Variants in SLC2A9 observed in about 807,000 individuals in gnomAD.
SLC2A9 encodes solute carrier family 2, facilitated glucose transporter member 9.
In SLC2A9, 39 loss-of-function variants were observed where a neutral mutation model predicts 50.6. The observed-to-expected ratio is 0.77, with a 90% confidence interval of 0.60 to 1.01. The LOEUF is 1.01. Among genes scored for constraint, SLC2A9 ranks in the 50% least tolerant of loss-of-function variants. The pLI, the probability that SLC2A9 is intolerant of heterozygous loss-of-function variation, is 0.00. For missense variants in SLC2A9, 686 were observed against 677.6 expected (o/e 1.01, Z -0.14); for synonymous variants, 324 against 276.9 (o/e 1.17, Z -1.69).
At chr4:10,027,349 T>C (rs1317857709) in intron 1 of SLC2A9, among the ~76,000 whole-genome samples, 1 of 152,196 alleles carries the variant, frequency 6.6e-6, no homozygotes, top group African/African-American at 2.4e-5. Flanking sequence ...TACCTCATTT[T>C]AGAAAAAAAC....
chr4:9,859,270 A>T (rs1731231616), intron 10 of SLC2A9, among the ~76,000 whole-genome samples: 1 of 152,040 alleles, frequency 6.6e-6, no homozygotes, highest in Non-Finnish European at 1.5e-5. Flanking sequence ...TGGGATTTGA[A>T]GCCAGGTCTA....
Position 9,920,407 on chromosome 4 carries a change from T to C in SLC2A9, c.980A>G (p.Tyr327Cys). The C allele has an allele frequency of 3.1e-6, 5 of 1,614,140 alleles. No individual in the cohort carries two copies. Among genetic ancestry groups the C allele is most frequent in the Non-Finnish European group, 4.2e-6 (5 of 1,180,026 alleles). Residue 327 changes from tyrosine (Y) to cysteine (C), a missense_variant, in exon 7 of 12, where the codon TAC becomes TGC. Tyr to Cys is a radical substitution (Grantham distance 194). Transcript: ENST00000264784. ...CACTGCATTGAGGCCACAGAGCTGGTAGCAGGCCATGGTGACAATCACGGT... is the reference window on the plus strand; with the variant it reads ...CACTGCATTGAGGCCACAGAGCTGGCAGCAGGCCATGGTGACAATCACGGT... ...VVTVIVTMACYQLCGLNAIWF... is the reference protein window; with the variant it reads ...VVTVIVTMACCQLCGLNAIWF...
chr4:9,914,306 C>A (rs1029536617), intron 7 of SLC2A9, among the ~76,000 whole-genome samples: 14 of 152,196 alleles, frequency 9.2e-5, no homozygotes, highest in Admixed American at 2.0e-4. Flanking sequence ...CCCTCTCCAC[C>A]AAGGGCAGGC....
exon 2 of SLC2A9, chr4:9,771,274 G>C: frequency 5.2e-6 from 2 of 385,162 alleles, no homozygotes; most frequent in Non-Finnish European, 9.2e-6. Context: ...TTCATATCTG[G>C]AGTGTGATGC....
intron 7 of SLC2A9, among the ~76,000 whole-genome samples, chr4:9,919,416 AT>A (rs1743494561): frequency 6.6e-6 from 1 of 152,136 alleles, no homozygotes; most frequent in Non-Finnish European, 1.5e-5. Flanking sequence ...GTGGTTGTAG[AT>A]TTCTATGCTG....
chr4:9,815,181 C>T (rs148786008), intron 3 of SLC2A9, among the ~76,000 whole-genome samples: 80 of 152,280 alleles, frequency 5.3e-4, no homozygotes, highest in Admixed American at 2.7e-3. Context: ...GGAAAGCCCA[C>T]GCCAGCACCA....
At position 9,773,738 on chromosome 4, in the gene SLC2A9, C is replaced by T. The variant is rs768420204; in HGVS notation, n.182-2369G>A. Among the ~76,000 whole-genome samples the T allele has an allele frequency of 3.3e-5, 5 of 152,248 alleles. No individual in the cohort carries two copies. The East Asian group carries it at 5.8e-4, about 18-fold the overall frequency. On this transcript the variant is annotated intron_variant and non_coding_transcript_variant, in intron 1 of 1. Transcript: ENST00000508585. ...ATGAGGCTGAGCTCTGACAAGTCAA[C>T]GTCAGAGAGAGATCTTGGTTTCCAG...
At chr4:9,850,511 GC>G (rs2109307886) in intron 10 of SLC2A9, among the ~76,000 whole-genome samples, 1 of 152,218 alleles carries the variant, frequency 6.6e-6, no homozygotes, top group East Asian at 1.9e-4. Flanking sequence ...TGGGGCCCCA[GC>G]CTGGTTGTGC....
rs1744923140 is a variant in SLC2A9 at position 9,926,443 on chromosome 4, C to T, written c.815-5871G>A. 2.0e-5 allele frequency among the ~76,000 whole-genome samples: 3 copies of T among 150,332 alleles called. No homozygotes were observed. The Admixed American group carries it at 2.0e-4, about 10-fold the overall frequency. ...ATTTAATGTTTCCATGCCTGAGTTTCCTTGTCTGTAAAATAAACATAATAG... is the reference window on the plus strand; with the variant it reads ...ATTTAATGTTTCCATGCCTGAGTTTTCTTGTCTGTAAAATAAACATAATAG... On this transcript the variant is annotated intron_variant, in intron 6 of 11. Transcript: ENST00000264784.
intron 7 of SLC2A9, among the ~76,000 whole-genome samples, chr4:9,918,315 C>A (rs147805997): frequency 1.1e-4 from 17 of 152,144 alleles, no homozygotes; most frequent in African/African-American, 4.1e-4. Context: ...CTCTTTGTCC[C>A]GTGAATTTGG....
chr4:9,914,710 G>A (rs914782949), intron 7 of SLC2A9, among the ~76,000 whole-genome samples: 1 of 152,166 alleles, frequency 6.6e-6, no homozygotes, highest in African/African-American at 2.4e-5. Flanking sequence ...TTGCTATGGT[G>A]GTGAGAACGT....
intron 4 of SLC2A9, among the ~76,000 whole-genome samples, chr4:9,982,449 G>T (rs1387686705): frequency 2.0e-5 from 3 of 148,666 alleles, no homozygotes; most frequent in African/African-American, 5.0e-5. Flanking sequence ...AGGAAAAAGG[G>T]TCTAAAAGAC....
At chr4:9,843,256 T>A (rs988871916) in intron 10 of SLC2A9, among the ~76,000 whole-genome samples, 1 of 152,226 alleles carries the variant, frequency 6.6e-6, no homozygotes, top group African/African-American at 2.4e-5. Context: ...ATCTTTGCTA[T>A]GCCATCTATT....
intron 10 of SLC2A9, among the ~76,000 whole-genome samples, chr4:9,859,741 C>A (rs1034409225): frequency 6.6e-6 from 1 of 152,210 alleles, no homozygotes; most frequent in East Asian, 1.9e-4. Context: ...GTGTCTTCCT[C>A]CAACTTGCAC....
At chr4:9,880,472 T>G in intron 10 of SLC2A9, 1 of 985,018 alleles carries the variant, frequency 1.0e-6, no homozygotes, top group Non-Finnish European at 1.2e-6. Flanking sequence ...TGTTCTACAG[T>G]CAAAAGAAAG....
chr4:9,790,302 T>A (rs1438581469), intron 3 of SLC2A9, among the ~76,000 whole-genome samples: 1 of 152,230 alleles, frequency 6.6e-6, no homozygotes, highest in Admixed American at 6.5e-5. Flanking sequence ...CTTGGACCTT[T>A]TCCTGTGCTC....
intron 3 of SLC2A9, among the ~76,000 whole-genome samples, chr4:9,989,617 A>G (rs1757330709): frequency 6.6e-6 from 1 of 152,002 alleles, no homozygotes; most frequent in African/African-American, 2.4e-5. Context: ...CGCTATTGCA[A>G]GGTTCTCCCA....
At chr4:10,007,101 T>C (rs1417510145) in intron 2 of SLC2A9, among the ~76,000 whole-genome samples, 1 of 152,226 alleles carries the variant, frequency 6.6e-6, no homozygotes, top group Admixed American at 6.5e-5. Flanking sequence ...ACCACTGTGA[T>C]CAGTCATAGC....
At chr4:9,840,741 T>C (rs546785856) in intron 10 of SLC2A9, among the ~76,000 whole-genome samples, 2 of 152,194 alleles carry the variant, frequency 1.3e-5, no homozygotes, top group Admixed American at 1.3e-4. Context: ...ATGATGTTTT[T>C]GGTTGTATTA....
Sources: allele counts gnomAD v4.1 joint callset (sites outside exome capture counted in the v4.1 genomes callset), GRCh38; gene constraint gnomAD v4.1.1; transcripts MANE v1.5; gene names NCBI Gene and HGNC (gene_info 2026-07-23, HGNC 2026-07-21).